PSD2: variants seen among roughly 807,000 people sequenced by gnomAD.
PSD2 encodes pleckstrin and Sec7 domain containing 2.
A neutral mutation model predicts 69.8 loss-of-function variants in PSD2; 38 were observed. That is an observed-to-expected ratio of 0.54 (90% CI 0.42 to 0.71). The LOEUF is 0.71. Ranked by LOEUF, PSD2 falls within the 30% of genes least tolerant of loss-of-function variation. PSD2 has a pLI of 0.00. For missense variants in PSD2, 943 were observed against 1,014.5 expected, an observed-to-expected ratio of 0.93 and a Z score of 0.96; for synonymous variants, 412 against 423.0, an observed-to-expected ratio of 0.97 and a Z score of 0.32.
In PSD2 at chr5:139,813,395, C is replaced by T; in HGVS notation, c.458C>T (p.Thr153Ile). 6.2e-7 allele frequency: 1 copy of T among 1,612,490 alleles called. No homozygotes were observed. Among genetic ancestry groups the T allele is most frequent in the South Asian group, 1.1e-5 (1 of 91,010 alleles). ...KILESELLRG[T>I]QYSSLDSLDG... ...CTGGAGTCAGAGCTGCTGCGGGGCA[C>T]CCAGTACAGCAGCCTCGACTCCCTA... is the stretch of plus-strand genomic sequence containing the variant. Residue 153 changes from threonine to isoleucine, a missense_variant, in exon 3 of 15, where the codon ACC (threonine) becomes ATC (isoleucine). This residue lies in a region of PSD2 where 466 missense variants were observed against 445.0 expected (regional missense o/e 1.05). Transcript: ENST00000274710.
At chr5:139,748,743 C>T in the PSD2 span, among the ~76,000 whole-genome samples, 2 of 152,272 alleles carry the variant, frequency 1.3e-5, no homozygotes, top group Admixed American at 6.5e-5. Flanking sequence ...CTAGGCAATG[C>T]TCGTCTGTCT....
chr5:139,790,718 C>T, the PSD2 span, among the ~76,000 whole-genome samples: 1 of 152,074 alleles, frequency 6.6e-6, no homozygotes, highest in African/African-American at 2.4e-5. Flanking sequence ...AGGACTAGGC[C>T]ACAGTCTAGC....
At chr5:139,817,839 C>A (rs1225676487) in intron 5 of PSD2, among the ~76,000 whole-genome samples, 2 of 152,142 alleles carry the variant, frequency 1.3e-5, no homozygotes, top group Admixed American at 6.5e-5. Flanking sequence ...TTCCTGCCTG[C>A]CAGATGCTCT....
At chr5:139,752,865 C>T in the PSD2 span, among the ~76,000 whole-genome samples, 7 of 152,332 alleles carry the variant, frequency 4.6e-5, no homozygotes, top group South Asian at 1.0e-3. Flanking sequence ...TGATTTATAA[C>T]ACGGCAGCGC....
the PSD2 span, among the ~76,000 whole-genome samples, chr5:139,784,177 C>T: frequency 2.6e-5 from 4 of 151,704 alleles, no homozygotes; most frequent in East Asian, 3.9e-4. Context: ...TGACCTCAAG[C>T]GATCCACCCG....
At chr5:139,779,484 A>AC in the PSD2 span, among the ~76,000 whole-genome samples, 4 of 152,130 alleles carry the variant, frequency 2.6e-5, no homozygotes, top group African/African-American at 4.8e-5. Context: ...GTACACTTTG[A>AC]CCCCCAAACA....
chr5:139,770,202 C>T, the PSD2 span, among the ~76,000 whole-genome samples: 1 of 152,162 alleles, frequency 6.6e-6, no homozygotes, highest in Non-Finnish European at 1.5e-5. Context: ...CCCTGAGGGA[C>T]CTCACCATCC....
chr5:139,807,289 G>A (rs985785908), intron 1 of PSD2, among the ~76,000 whole-genome samples: 2 of 152,234 alleles, frequency 1.3e-5, no homozygotes, highest in African/African-American at 4.8e-5. Context: ...TAGAAAGCAG[G>A]TCAGAGGACT....
intron 6 of PSD2, 98 bp downstream of exon 6, chr5:139,822,103 C>T (rs1760277744): frequency 2.9e-6 from 2 of 691,142 alleles, no homozygotes; most frequent in Admixed American, 2.4e-5. Context: ...GGTCCTGTTG[C>T]CAGGCCCAGA....
chr5:139,764,997 T>C, the PSD2 span, among the ~76,000 whole-genome samples: 2 of 152,030 alleles, frequency 1.3e-5, no homozygotes, highest in African/African-American at 4.8e-5. Context: ...CCCCAGTGAC[T>C]TCCATGACCC....
At chr5:139,827,474 A>C (rs1439887514) in intron 7 of PSD2, among the ~76,000 whole-genome samples, 2 of 152,246 alleles carry the variant, frequency 1.3e-5, no homozygotes, top group Admixed American at 6.5e-5. Flanking sequence ...TGACAGAAGC[A>C]CAAAGGGGCA....
At chr5:139,751,938 A>G in the PSD2 span, among the ~76,000 whole-genome samples, 1 of 151,888 alleles carries the variant, frequency 6.6e-6, no homozygotes, top group African/African-American at 2.4e-5. Context: ...GACTATAGGC[A>G]TGTGTCACCA....
chr5:139,840,890 T>G (rs1481361520), intron 14 of PSD2, among the ~76,000 whole-genome samples: 1 of 152,182 alleles, frequency 6.6e-6, no homozygotes, highest in Non-Finnish European at 1.5e-5. Flanking sequence ...ACATTTTAAT[T>G]GCAGTAAGAC....
chr5:139,820,421 C>T (rs1760230031), intron 5 of PSD2, among the ~76,000 whole-genome samples: 1 of 152,036 alleles, frequency 6.6e-6, no homozygotes, highest in African/African-American at 2.4e-5. Context: ...CAGGGCAGTG[C>T]TATTATGCAG....
the PSD2 span, among the ~76,000 whole-genome samples, chr5:139,747,176 G>T: frequency 6.6e-6 from 1 of 151,898 alleles, no homozygotes; most frequent in African/African-American, 2.4e-5. The surrounding 1 kb of genome is among the most constrained non-coding windows in gnomAD (Gnocchi z 6.7). Flanking sequence ...CTCTGCTCAG[G>T]TCTCCGCTCG....
chr5:139,782,630 C>CT, the PSD2 span, among the ~76,000 whole-genome samples: 2 of 151,808 alleles, frequency 1.3e-5, no homozygotes, highest in African/African-American at 4.8e-5. Flanking sequence ...GTAGCTGGGA[C>CT]TACAGGCGCA....
intron 4 of PSD2, among the ~76,000 whole-genome samples, chr5:139,815,470 T>C (rs1760097483): frequency 6.6e-6 from 1 of 152,098 alleles, no homozygotes; most frequent in Non-Finnish European, 1.5e-5. Flanking sequence ...TAGCCAAAAT[T>C]CTTGGATTTT....
intron 7 of PSD2, among the ~76,000 whole-genome samples, chr5:139,825,546 A>G (rs1760395222): frequency 6.6e-6 from 1 of 152,124 alleles, no homozygotes; most frequent in Non-Finnish European, 1.5e-5. Flanking sequence ...GAAGGGACTG[A>G]CAAGGGAGAC....
chr5:139,834,324 C>G (rs1246611499), intron 8 of PSD2, among the ~76,000 whole-genome samples: 1 of 152,152 alleles, frequency 6.6e-6, no homozygotes, highest in Non-Finnish European at 1.5e-5. Flanking sequence ...CTCATTCTGT[C>G]ACCCACCCTG....
Sources: allele counts gnomAD v4.1 joint callset (sites outside exome capture counted in the v4.1 genomes callset), GRCh38; gene constraint gnomAD v4.1.1; regional missense constraint gnomAD v4.1.1; non-coding constraint Gnocchi (gnomAD v3.1); transcripts MANE v1.5; gene names NCBI Gene and HGNC (gene_info 2026-07-23, HGNC 2026-07-21).